The following PARD3B variants were observed in gnomAD, a reference collection of about 807,000 sequenced individuals.
PARD3B encodes the protein par-3 family cell polarity regulator beta.
Under a neutral mutation model 130.2 loss-of-function variants are expected in PARD3B, and 103 were observed. The ratio of observed to expected loss-of-function variants is 0.79; its 90% confidence interval spans 0.67 to 0.93. The LOEUF is 0.93. Ranked by LOEUF, PARD3B falls within the 40% of genes least tolerant of loss-of-function variation. PARD3B has a pLI of 0.00. For synonymous variants in PARD3B, 583 were observed against 553.2 expected (o/e 1.05, Z -0.76); for missense variants, 1,609 against 1,499.2 (o/e 1.07, Z -1.21).
At chr2:204,653,785 CAAA>C (rs35190366) in intron 1 of PARD3B, among the ~76,000 whole-genome samples, 11 of 71,518 alleles carry the variant, frequency 1.5e-4, no homozygotes, top group Admixed American at 1.5e-4. Context: ...GACTCTGTCT[CAAA>C]AAAAAAAAAA....
intron 2 of PARD3B, among the ~76,000 whole-genome samples, chr2:204,872,877 T>C (rs182116696): frequency 6.6e-6 from 1 of 152,220 alleles, no homozygotes; most frequent in Admixed American, 6.5e-5. Flanking sequence ...TTTTAAACTT[T>C]AATGTCCCTC....
chr2:205,085,282 C>G (rs1023050137), intron 4 of PARD3B, among the ~76,000 whole-genome samples: 2 of 151,942 alleles, frequency 1.3e-5, no homozygotes, highest in Non-Finnish European at 2.9e-5. Context: ...TTAGTACCTA[C>G]TAATGTATCT....
intron 20 of PARD3B, among the ~76,000 whole-genome samples, chr2:205,466,859 C>G (rs1331894419): frequency 6.6e-6 from 1 of 152,160 alleles, no homozygotes; most frequent in African/African-American, 2.4e-5. Flanking sequence ...ATTCCAGGCA[C>G]CCACCACCAC....
intron 22 of PARD3B, among the ~76,000 whole-genome samples, chr2:205,598,906 C>A (rs538300672): frequency 6.6e-6 from 1 of 152,224 alleles, no homozygotes; most frequent in South Asian, 2.1e-4. Flanking sequence ...TCAAAAAATT[C>A]TTTGAAACTA....
intron 20 of PARD3B, among the ~76,000 whole-genome samples, chr2:205,453,661 C>T (rs1024532670): frequency 2.0e-5 from 3 of 152,100 alleles, no homozygotes; most frequent in Non-Finnish European, 4.4e-5. Flanking sequence ...TCCAGCCATG[C>T]TAAGGTTTTT....
At chr2:204,713,124 G>T (rs10196548) in intron 2 of PARD3B, among the ~76,000 whole-genome samples, 1 of 151,820 alleles carries the variant, frequency 6.6e-6, no homozygotes, top group African/African-American at 2.4e-5. Context: ...GGCTGTATAT[G>T]ATTTTTTCTG....
Position 205,470,328 on chromosome 2 carries a change from G to A in PARD3B, c.3045-29568G>A, listed in dbSNP as rs150856753. On this transcript the variant is annotated intron_variant, in intron 20 of 22. Coordinates refer to ENST00000406610, the MANE Select transcript of PARD3B (RefSeq NM_001302769.2). This position sits in a 1 kb window ranked among gnomAD's most constrained non-coding sequence, Gnocchi z 4.8. ...TAAATCTTTAATGTCATTATCATTT[G>A]TTTCACAACCCTCTTAGCTCCTGTT... Among the ~76,000 whole-genome samples, 64 of 152,156 alleles carry A rather than the reference G, an allele frequency of 4.2e-4. No individual in the cohort carries two copies. The East Asian group carries it at 0.011, about 26-fold the overall frequency.
chr2:205,574,356 C>T (rs760309524), intron 22 of PARD3B, among the ~76,000 whole-genome samples: 12 of 152,186 alleles, frequency 7.9e-5, no homozygotes, highest in Non-Finnish European at 1.5e-4. Context: ...CCAGTTGCAT[C>T]ATGGTTTCAG....
At chr2:204,921,423 A>G (rs16836739) in intron 2 of PARD3B, among the ~76,000 whole-genome samples, 3,386 of 152,272 alleles carry the variant, frequency 0.022, 125 homozygotes, top group African/African-American at 0.074. Flanking sequence ...ATCATTTTAG[A>G]CAAATATAAT....
At chr2:204,628,307 A>G (rs535754724) in intron 1 of PARD3B, among the ~76,000 whole-genome samples, 1 of 152,106 alleles carries the variant, frequency 6.6e-6, no homozygotes, top group African/African-American at 2.4e-5. Context: ...CTTTAGAAAA[A>G]TAAAGTCAGT....
intron 16 of PARD3B, among the ~76,000 whole-genome samples, chr2:205,285,650 G>T (rs937486959): frequency 6.6e-6 from 1 of 152,136 alleles, no homozygotes; most frequent in African/African-American, 2.4e-5. Context: ...GATGTTCTCC[G>T]CTGTCGCCCA....
At chr2:204,765,633 A>G (rs1187635329) in intron 2 of PARD3B, among the ~76,000 whole-genome samples, 1 of 152,224 alleles carries the variant, frequency 6.6e-6, no homozygotes, top group East Asian at 1.9e-4. Context: ...CTTCTCTCCT[A>G]TTGCTATGCA....
intron 5 of PARD3B, among the ~76,000 whole-genome samples, chr2:205,106,751 C>A (rs956924786): frequency 6.6e-6 from 1 of 152,064 alleles, no homozygotes; most frequent in Admixed American, 6.6e-5. Flanking sequence ...GGAAACTTCT[C>A]ATATAAAAGT....
intron 15 of PARD3B, among the ~76,000 whole-genome samples, chr2:205,206,216 C>CTTTT (rs201694463): frequency 7.0e-5 from 9 of 127,900 alleles, no homozygotes; most frequent in Admixed American, 6.3e-4. Flanking sequence ...TTTTTTTTTT[C>CTTTT]TTTTTTTTTT....
intron 2 of PARD3B, among the ~76,000 whole-genome samples, chr2:204,920,885 T>G (rs898448403): frequency 1.3e-5 from 2 of 152,240 alleles, no homozygotes; most frequent in Non-Finnish European, 2.9e-5. Context: ...AGATGCAATT[T>G]GGTGCTAATC....
chr2:205,074,662 C>A (rs1700935000), intron 4 of PARD3B, among the ~76,000 whole-genome samples: 1 of 152,104 alleles, frequency 6.6e-6, no homozygotes, highest in Non-Finnish European at 1.5e-5. Context: ...TGGCATAGTA[C>A]AATGTTCTCG....
chr2:205,000,964 T>C (rs1217158849), intron 3 of PARD3B, among the ~76,000 whole-genome samples: 1 of 152,136 alleles, frequency 6.6e-6, no homozygotes, highest in Non-Finnish European at 1.5e-5. Context: ...TTTACTGTAT[T>C]GCTTTTACGA....
intron 2 of PARD3B, among the ~76,000 whole-genome samples, chr2:204,773,553 A>G (rs1235677316): frequency 6.6e-6 from 1 of 152,182 alleles, no homozygotes; most frequent in Non-Finnish European, 1.5e-5. Context: ...TTATGGAGGA[A>G]CTGAAGTTTC....
At chr2:205,094,154 A>C (rs1214380615) in intron 4 of PARD3B, among the ~76,000 whole-genome samples, 1 of 152,192 alleles carries the variant, frequency 6.6e-6, no homozygotes, top group Non-Finnish European at 1.5e-5. Flanking sequence ...ACCCTTCCCC[A>C]AATTGTTTAT....
Sources: allele counts gnomAD v4.1 joint callset (sites outside exome capture counted in the v4.1 genomes callset), GRCh38; gene constraint gnomAD v4.1.1; non-coding constraint Gnocchi (gnomAD v3.1); transcripts MANE v1.5; gene names NCBI Gene and HGNC (gene_info 2026-07-23, HGNC 2026-07-21).